Variants in KIF26B observed in about 807,000 individuals in gnomAD.
The protein encoded by KIF26B is kinesin family member 26B.
Under a neutral mutation model 151.2 loss-of-function variants are expected in KIF26B, and 63 were observed. That is an observed-to-expected ratio of 0.42 (90% CI 0.34 to 0.51). The LOEUF is 0.51. Among genes scored for constraint, KIF26B ranks in the 20% least tolerant of loss-of-function variants. KIF26B has a pLI of 0.07. For missense variants in KIF26B, 2,813 were observed against 2,913.6 expected (o/e 0.97, Z 0.79); for synonymous variants, 1,357 against 1,262.1 (o/e 1.08, Z -1.59).
chr1:245,166,421 T>C lies in KIF26B; in HGVS notation c.465+9738T>C, dbSNP rs905557348. 4.6e-5 allele frequency among the ~76,000 whole-genome samples: 7 copies of C among 152,130 alleles called. No homozygotes were observed. The highest frequency in any genetic ancestry group is 2.1e-4 in the South Asian group (1 of 4,830). ...CATTCTTATTTATTCATTTGTAGAG[T>C]TGTCACCACAGAAAGTTTAAGGGAG... On this transcript the variant is annotated intron_variant, in intron 2 of 14. Transcript: ENST00000407071. This position sits in a 1 kb window ranked among gnomAD's most constrained non-coding sequence, Gnocchi z 4.5.
rs1312466971 is a variant in KIF26B at position 245,330,419 on chromosome 1, G to C, written c.466-36415G>C. Among the ~76,000 whole-genome samples, 2 of 13,648 alleles carry C rather than the reference G, an allele frequency of 1.5e-4. 1 individual carries two copies. Among genetic ancestry groups the C allele is most frequent in the Non-Finnish European group, 3.5e-4 (2 of 5,744 alleles). 9.0% of individuals were successfully genotyped at this position (13,648 alleles called of 152,430 possible). ...GATGAGCAGCAGGGACAACGGGTGGGTGGGGGGAGGGAGTGGGGGAGGGAG... is the reference window on the plus strand; with the variant it reads ...GATGAGCAGCAGGGACAACGGGTGGCTGGGGGGAGGGAGTGGGGGAGGGAG... On this transcript the variant is annotated intron_variant, in intron 2 of 14. Coordinates refer to ENST00000407071, the MANE Select transcript of KIF26B (RefSeq NM_018012.4).
At chr1:245,699,798 C>T (rs967852994) in intron 14 of KIF26B, among the ~76,000 whole-genome samples, 3 of 152,230 alleles carry the variant, frequency 2.0e-5, no homozygotes, top group Non-Finnish European at 2.9e-5. Flanking sequence ...CGGCAGGCCT[C>T]CTTTGTACAG....
chr1:245,361,749 C>T (rs1323135723), intron 2 of KIF26B, among the ~76,000 whole-genome samples: 3 of 152,188 alleles, frequency 2.0e-5, no homozygotes, highest in East Asian at 1.9e-4. Context: ...CTGGAGCAAA[C>T]CCTAATTCTA....
chr1:245,619,737 A>C (rs1230433829), intron 9 of KIF26B, among the ~76,000 whole-genome samples: 1 of 151,626 alleles, frequency 6.6e-6, no homozygotes, highest in Non-Finnish European at 1.5e-5. Context: ...ACGTAGTGAA[A>C]CCTCGTCTCT....
At position 245,310,041 on chromosome 1, in the gene KIF26B, T is replaced by C. The variant is rs1035586539; in HGVS notation, c.466-56793T>C. ...AGAGAGGTCACGTGATCTTAGGTACTAGTTGTAACATTATAATATATATTA... is the reference window on the plus strand; with the variant it reads ...AGAGAGGTCACGTGATCTTAGGTACCAGTTGTAACATTATAATATATATTA... On this transcript the variant is annotated intron_variant, in intron 2 of 14. Transcript: ENST00000407071. 7.4e-5 allele frequency among the ~76,000 whole-genome samples: 11 copies of C among 147,756 alleles called. No individual in the cohort carries two copies. In the Middle Eastern group the frequency reaches 0.011, roughly 145 times the overall value.
At chr1:245,268,031 G>C (rs1670778716) in intron 2 of KIF26B, among the ~76,000 whole-genome samples, 1 of 152,122 alleles carries the variant, frequency 6.6e-6, no homozygotes, top group Non-Finnish European at 1.5e-5. Flanking sequence ...CAGGAGCCAG[G>C]CACAGTGCCT....
rs1558260036 is a variant in KIF26B at position 245,667,728 on chromosome 1, T to C, written c.2259-16505T>C. Among the ~76,000 whole-genome samples, 1 of 152,096 alleles carries C rather than the reference T, an allele frequency of 6.6e-6. No homozygotes were observed. Among genetic ancestry groups the C allele is most frequent in the East Asian group, 1.9e-4 (1 of 5,184 alleles). ...AGGAAGGAGGTGGCAGGAGTGACATTTGGGCCATCCAGGCAACTCACCAAG... is the reference window on the plus strand; with the variant it reads ...AGGAAGGAGGTGGCAGGAGTGACATCTGGGCCATCCAGGCAACTCACCAAG... On this transcript the variant is annotated intron_variant, in intron 10 of 14. Transcript: ENST00000407071. This position sits in a 1 kb window ranked among gnomAD's most constrained non-coding sequence, Gnocchi z 4.3.
chr1:245,214,767 G>C (rs1462960242), intron 2 of KIF26B, among the ~76,000 whole-genome samples: 2 of 151,986 alleles, frequency 1.3e-5, no homozygotes, highest in Non-Finnish European at 2.9e-5. Flanking sequence ...TTGAACCCAG[G>C]AGGTGGAGGT....
At chr1:245,424,132 C>T (rs1466568705) in intron 4 of KIF26B, among the ~76,000 whole-genome samples, 1 of 152,076 alleles carries the variant, frequency 6.6e-6, no homozygotes, top group East Asian at 1.9e-4. Flanking sequence ...TCATGAGCCA[C>T]TGCACCTGGC....
intron 5 of KIF26B, among the ~76,000 whole-genome samples, chr1:245,570,354 T>C (rs1008189913): frequency 6.6e-5 from 10 of 152,210 alleles, no homozygotes; most frequent in Non-Finnish European, 1.3e-4. Context: ...CATCCCACAT[T>C]CGGTCCATCA....
At chr1:245,173,462 A>G (rs1225831847) in intron 2 of KIF26B, among the ~76,000 whole-genome samples, 1 of 152,188 alleles carries the variant, frequency 6.6e-6, no homozygotes, top group African/African-American at 2.4e-5. Context: ...GTGACGGCTC[A>G]TGAGGGTAAT....
intron 4 of KIF26B, among the ~76,000 whole-genome samples, chr1:245,500,183 A>T (rs1660593482): frequency 6.6e-6 from 1 of 152,214 alleles, no homozygotes; most frequent in Admixed American, 6.5e-5. Context: ...AAAGCTGTCG[A>T]CTTTCCTTAG....
chr1:245,684,022 C>T (rs2044474396), intron 10 of KIF26B, among the ~76,000 whole-genome samples: 1 of 152,244 alleles, frequency 6.6e-6, no homozygotes, highest in Non-Finnish European at 1.5e-5. Context: ...GTGCTTTGCA[C>T]AGATTCCATC....
intron 10 of KIF26B, among the ~76,000 whole-genome samples, chr1:245,661,530 C>T (rs886371662): frequency 6.6e-6 from 1 of 151,462 alleles, no homozygotes; most frequent in Admixed American, 6.6e-5. Context: ...ATACAATATA[C>T]ACACATACCC....
chr1:245,529,096 T>G (rs1333442892), intron 4 of KIF26B, among the ~76,000 whole-genome samples: 1 of 152,132 alleles, frequency 6.6e-6, no homozygotes, highest in Non-Finnish European at 1.5e-5. Flanking sequence ...TCTTAGTCAT[T>G]AGTAAGGCCG....
rs539775875 is a variant in KIF26B, at chr1:245,352,845, G to A, written c.466-13989G>A. Among the ~76,000 whole-genome samples the A allele has an allele frequency of 1.1e-4, 16 of 152,068 alleles. No homozygotes were observed. Among genetic ancestry groups the A allele is most frequent in the Non-Finnish European group, 2.2e-4 (15 of 68,008 alleles). ...CCTAAAGAGATGTACACGTGTGTGT[G>A]TGTGTGTGTGTGGTGGGCGTGGGTG... On this transcript the variant is annotated intron_variant, in intron 2 of 14. Coordinates refer to ENST00000407071, the MANE Select transcript of KIF26B (RefSeq NM_018012.4). The surrounding 1 kb of genome is among the most constrained non-coding windows in gnomAD (Gnocchi z 5.0).
intron 2 of KIF26B, among the ~76,000 whole-genome samples, chr1:245,338,625 A>G (rs1331003868): frequency 6.6e-6 from 1 of 152,248 alleles, no homozygotes; most frequent in Non-Finnish European, 1.5e-5. Flanking sequence ...TGAGCACCAC[A>G]TTCTCAGACA....
Position 245,602,799 on chromosome 1 carries a change from C to T in KIF26B, c.1557+16C>T, listed in dbSNP as rs760563496. The T allele has an allele frequency of 2.5e-6, 4 of 1,611,614 alleles. No homozygotes were observed. Among genetic ancestry groups the T allele is most frequent in the Non-Finnish European group, 3.4e-6 (4 of 1,178,878 alleles). On this transcript the variant is annotated intron_variant, in intron 6 of 14. Transcript: ENST00000407071. This position sits in a 1 kb window ranked among gnomAD's most constrained non-coding sequence, Gnocchi z 4.5. The stretch of plus-strand genomic sequence containing the variant: ...CGCTTCTCAGGTGGGTATCAGCCCC[C>T]TCTCAGGCTCAGGCAACGTTGATGA...
At chr1:245,561,094 C>A (rs1165435968) in intron 5 of KIF26B, among the ~76,000 whole-genome samples, 1 of 152,162 alleles carries the variant, frequency 6.6e-6, no homozygotes, top group Non-Finnish European at 1.5e-5. Flanking sequence ...GACCTGGGAG[C>A]TGGGAACCTT....
Sources: gnomAD v4.1 joint callset for allele counts (sites outside exome capture counted in the v4.1 genomes callset) on GRCh38, gnomAD v4.1.1 for gene constraint, Gnocchi (gnomAD v3.1) non-coding constraint, MANE v1.5 for transcripts, NCBI Gene and HGNC (gene_info 2026-07-23, HGNC 2026-07-21) for gene names.